RPS11: variants seen among roughly 807,000 people sequenced by gnomAD.
The protein encoded by RPS11 is small ribosomal subunit protein uS17.
For missense variants in RPS11, 127 were observed against 211.4 expected (o/e 0.60, Z 2.48); for synonymous variants, 107 against 78.0 (o/e 1.37, Z -1.96).
intron 1 of RPS11, 158 bp from the exon 2 acceptor site, chr19:49,497,036 T>A: frequency 1.4e-6 from 1 of 730,106 alleles, no homozygotes; most frequent in South Asian, 1.9e-5. Context: ...GGTGGTCATG[T>A]CTTAGAGGGT....
rs778586777 is a variant in RPS11, at chr19:49,497,273, A to T, written c.95A>T (p.Lys32Met). 1.1e-5 allele frequency: 18 copies of T among 1,614,172 alleles called. No homozygotes were observed. Among genetic ancestry groups the T allele is most frequent in the Non-Finnish European group, 1.5e-5 (18 of 1,180,036 alleles). ...RVLLGETGKE[K>M]LPRYYKNIGL... ...CTGCTGGGAGAAACTGGCAAGGAGA[A>T]GCTCCCGCGGTACTACAAGAACATC... Residue 32 changes from lysine (K) to methionine (M), a missense_variant, in exon 2 of 5, where the codon AAG becomes ATG. By Grantham distance (95) the Lys-to-Met change is moderately conservative (BLOSUM62 -1). Coordinates refer to ENST00000270625, the MANE Select transcript of RPS11 (RefSeq NM_001015.5).
chr19:49,497,433 G>C, intron 2 of RPS11, 87 bp from the exon 3 acceptor site: 1 of 1,593,504 alleles, frequency 6.3e-7, no homozygotes, highest in South Asian at 1.1e-5. Flanking sequence ...GCTGGGAATT[G>C]TAGTTGCTTC....
At position 49,497,902 on chromosome 19, in the gene RPS11, G is replaced by C; in HGVS notation, c.224-15G>C. The C allele has an allele frequency of 1.9e-6, 3 of 1,613,926 alleles. No individual in the cohort carries two copies. The highest frequency in any genetic ancestry group is 2.5e-6 in the Non-Finnish European group (3 of 1,179,988). ...TTCCCATGGGACCTGACCTATGATCGGCCCCCGCTCCTAGGCGTGGTGACC... is the reference window on the plus strand; with the variant it reads ...TTCCCATGGGACCTGACCTATGATCCGCCCCCGCTCCTAGGCGTGGTGACC... On this transcript the variant is annotated splice_polypyrimidine_tract_variant and intron_variant, in intron 3 of 4. Coordinates refer to ENST00000270625, the MANE Select transcript of RPS11 (RefSeq NM_001015.5).
In RPS11 at chr19:49,498,001, A is replaced by G. The variant is rs1401684247; in HGVS notation, c.308A>G (p.Glu103Gly). The part of the protein sequence containing the change: ...LHYIRKYNRF[E>G]KRHKNMSVHL... The stretch of plus-strand genomic sequence containing the variant: ...TACATCCGCAAGTACAACCGCTTCG[A>G]GAAGCGCCACAAGAACATGTCTGTA... Residue 103 changes from glutamate to glycine, a missense_variant, in exon 4 of 5, where the codon GAG becomes GGG. Glu to Gly is a moderately conservative substitution (Grantham distance 98, BLOSUM62 -2). Coordinates refer to ENST00000270625, the MANE Select transcript of RPS11 (RefSeq NM_001015.5). 6.2e-7 allele frequency: 1 copy of G among 1,613,512 alleles called. No homozygotes were observed. The highest frequency in any genetic ancestry group is 8.5e-7 in the Non-Finnish European group (1 of 1,179,982).
intron 4 of RPS11, chr19:49,498,365 G>C (rs758553188): frequency 2.3e-4 from 82 of 349,464 alleles, no homozygotes; most frequent in Non-Finnish European, 4.1e-4. Flanking sequence ...CCTGAAAGTA[G>C]TCTTACGCAG....
In RPS11 at chr19:49,499,598, A is replaced by T. The variant is rs1485475023; in HGVS notation, c.440A>T (p.Lys147Met). ...TVRFNVLKVT[K>M]AAGTKKQFQK... ...CGCTTCAACGTGCTCAAGGTCACCA[A>T]GGCTGCCGGCACCAAGAAGCAGTTC... The change falls in exon 5 of 5, where the codon AAG (lysine) becomes ATG (methionine). Residue 147 changes from lysine (K) to methionine (M), a missense_variant. Lys to Met is a moderately conservative substitution (Grantham distance 95). Transcript: ENST00000270625. 6.2e-7 allele frequency: 1 copy of T among 1,613,894 alleles called. No individual in the cohort carries two copies.
chr19:49,497,837 TTC>T (rs1467605789), intron 3 of RPS11, 78 bp from the exon 4 acceptor site: 1 of 1,591,656 alleles, frequency 6.3e-7, no homozygotes, highest in African/African-American at 1.3e-5. Context: ...GCTCAGCTGC[TTC>T]TGAGTCCCAG....
At chr19:49,497,078 G>A in intron 1 of RPS11, 116 bp from the exon 2 acceptor site, 1 of 1,268,128 alleles carries the variant, frequency 7.9e-7, no homozygotes, top group South Asian at 1.5e-5. Flanking sequence ...GGACGCCGGC[G>A]CTTTGCAAGT....
chr19:49,496,610 T>A, intron 1 of RPS11, 139 bp downstream of exon 1: 1 of 903,848 alleles, frequency 1.1e-6, no homozygotes, highest in Non-Finnish European at 1.7e-6. Context: ...TTAACTGGAG[T>A]GGAGGGCGCT....
intron 3 of RPS11, 146 bp from the exon 4 acceptor site, chr19:49,497,771 G>C (rs749807611): frequency 1.1e-5 from 14 of 1,259,514 alleles, no homozygotes; most frequent in African/African-American, 1.5e-5. Flanking sequence ...CGTGGGCACT[G>C]CTGAGAAAGC....
chr19:49,497,141 G>T, intron 1 of RPS11, 53 bp from the exon 2 acceptor site: 1 of 1,605,416 alleles, frequency 6.2e-7, no homozygotes, highest in Non-Finnish European at 8.5e-7. Context: ...AGGGCTGGTT[G>T]GCTGCCGGCT....
Position 49,497,512 on chromosome 19 carries a change from C to G in RPS11, c.148-8C>G. The G allele has an allele frequency of 6.2e-7, 1 of 1,613,330 alleles. No individual in the cohort carries two copies. The highest frequency in any genetic ancestry group is 1.3e-5 in the African/African-American group (1 of 74,998). The stretch of plus-strand genomic sequence containing the variant: ...AGGCTCACTCCTTTATCTTTCCTAT[C>G]CTTTCAGGCTATTGAGGGCACCTAC... On this transcript the variant is annotated splice_polypyrimidine_tract_variant and splice_region_variant and intron_variant, in intron 2 of 4. Coordinates refer to ENST00000270625, the MANE Select transcript of RPS11 (RefSeq NM_001015.5).
At position 49,497,613 on chromosome 19, in the gene RPS11, T is replaced by G; in HGVS notation, c.223+18T>G. 1 of 1,608,432 alleles carries G rather than the reference T, an allele frequency of 6.2e-7. No homozygotes were observed. Among genetic ancestry groups the G allele is most frequent in the Non-Finnish European group, 8.5e-7 (1 of 1,174,828 alleles). On this transcript the variant is annotated intron_variant, in intron 3 of 4. Transcript: ENST00000270625. ...CCTCTCTGGTAAGTGCGGGAGTTACTGGTGTCTGGGGCCTGAAATACTGAA... is the reference window on the plus strand; with the variant it reads ...CCTCTCTGGTAAGTGCGGGAGTTACGGGTGTCTGGGGCCTGAAATACTGAA...
intron 1 of RPS11, among the ~76,000 whole-genome samples, chr19:49,496,944 C>T (rs1568691917): frequency 6.6e-6 from 1 of 152,024 alleles, no homozygotes; most frequent in South Asian, 2.1e-4. Flanking sequence ...ATGAATTTTG[C>T]AATCCCTGAG....
rs902090941 is a variant in RPS11 at position 49,496,585 on chromosome 19, A to G, written c.15+114A>G. Reference sequence around the variant, plus strand: ...CGGGGGTTAATTCCGGGCGTCCGTGATTATTTTCTAGAGATTAACTGGAGT... The same window carrying G: ...CGGGGGTTAATTCCGGGCGTCCGTGGTTATTTTCTAGAGATTAACTGGAGT... On this transcript the variant is annotated intron_variant, in intron 1 of 4. Transcript: ENST00000270625. 7.7e-5 allele frequency: 89 copies of G among 1,157,752 alleles called. No homozygotes were observed. In the African/African-American group the frequency reaches 1.3e-3, roughly 16 times the overall value. 71.7% of individuals were successfully genotyped at this position (1,157,752 alleles called of 1,614,324 possible). A position where few individuals can be genotyped will look rare whatever the true frequency, so the allele number is the denominator to read the frequency against.
rs1262655080 is a variant in RPS11, at chr19:49,497,606, G to T, written c.223+11G>T. The T allele has an allele frequency of 6.2e-7, 1 of 1,611,562 alleles. No homozygotes were observed. Among genetic ancestry groups the T allele is most frequent in the African/African-American group, 1.3e-5 (1 of 74,860 alleles). On this transcript the variant is annotated intron_variant, in intron 3 of 4. Coordinates refer to ENST00000270625, the MANE Select transcript of RPS11 (RefSeq NM_001015.5). ...GGCGGATCCTCTCTGGTAAGTGCGG[G>T]AGTTACTGGTGTCTGGGGCCTGAAA...
Position 49,497,361 on chromosome 19 carries a change from G to GCGTT in RPS11, c.147+38_147+41dup, listed in dbSNP as rs749590116. 40 of 1,613,094 alleles carry GCGTT rather than the reference G, an allele frequency of 2.5e-5. No homozygotes were observed. In the East Asian group the frequency reaches 8.5e-4, roughly 34 times the overall value. ...CCTCAGAAGAAAGAAGGGGAACCTG[G>GCGTT]CGTTCCTGCACGTGTGCCCACGACG... On this transcript the variant is annotated intron_variant, in intron 2 of 4. Coordinates refer to ENST00000270625, the MANE Select transcript of RPS11 (RefSeq NM_001015.5).
rs60740889 is a variant in RPS11, at chr19:49,497,653, G to A, written c.223+58G>A. ...GAAATACTGAAAGAAGGGTCTTGGGGCCCAGACTCCTGGGTCCTGGGTGAG... is the reference window on the plus strand; with the variant it reads ...GAAATACTGAAAGAAGGGTCTTGGGACCCAGACTCCTGGGTCCTGGGTGAG... On this transcript the variant is annotated intron_variant, in intron 3 of 4. Coordinates refer to ENST00000270625, the MANE Select transcript of RPS11 (RefSeq NM_001015.5). 4.6e-3 allele frequency: 6,850 copies of A among 1,501,356 alleles called. 268 individuals carry two copies. The African/African-American group carries it at 0.081, about 18-fold the overall frequency. The allele number at this position is 1,501,356 out of a possible 1,614,324, so 93.0% of individuals were successfully genotyped here. A position where few individuals can be genotyped will look rare whatever the true frequency, so the allele number is the denominator to read the frequency against.
At chr19:49,497,721 G>C (rs776786462) in intron 3 of RPS11, 126 bp downstream of exon 3, 1 of 1,141,152 alleles carries the variant, frequency 8.8e-7, no homozygotes, top group Non-Finnish European at 1.3e-6. Context: ...AGGTACATTG[G>C]CAGATGATGT....
Sources: allele counts gnomAD v4.1 joint callset (sites outside exome capture counted in the v4.1 genomes callset), GRCh38; gene constraint gnomAD v4.1.1; transcripts MANE v1.5; gene names NCBI Gene and HGNC (gene_info 2026-07-23, HGNC 2026-07-21).